KANSL1: variants seen among roughly 807,000 people sequenced by gnomAD.
KANSL1 encodes MLL1/MLL complex subunit KANSL1.
A neutral mutation model predicts 103.6 loss-of-function variants in KANSL1; 22 were observed. That is an observed-to-expected ratio of 0.21 (90% CI 0.15 to 0.30). The LOEUF (loss-of-function observed/expected upper bound fraction) is 0.30. Ranked by LOEUF, KANSL1 falls within the 10% of genes least tolerant of loss-of-function variation. The probability of loss-of-function intolerance (pLI) is 1.00; values close to 1 mark genes in which losing one functional copy is unlikely to be tolerated. For missense variants in KANSL1, 1,337 were observed against 1,399.8 expected (o/e 0.96, Z 0.72); for synonymous variants, 600 against 527.6 (o/e 1.14, Z -1.88).
At chr17:46,170,027 G>C (rs1329093349) in intron 2 of KANSL1, among the ~76,000 whole-genome samples, 1 of 152,196 alleles carries the variant, frequency 6.6e-6, no homozygotes, top group Non-Finnish European at 1.5e-5. Flanking sequence ...TGTAATCCCA[G>C]CTACTTAGGG....
At chr17:46,214,137 C>T (rs189069912) in intron 1 of KANSL1, among the ~76,000 whole-genome samples, 385 of 152,266 alleles carry the variant, frequency 2.5e-3, no homozygotes, top group Admixed American at 4.2e-3. Context: ...AACACTTTTG[C>T]CCTTTAGCAT....
intron 2 of KANSL1, among the ~76,000 whole-genome samples, chr17:46,126,270 G>A (rs2043552136): frequency 6.6e-6 from 1 of 152,004 alleles, no homozygotes; most frequent in Non-Finnish European, 1.5e-5. Context: ...GGTGAAATCT[G>A]GTCTCTACTA....
chr17:46,198,932 AATTT>A (rs2147970532), intron 1 of KANSL1, among the ~76,000 whole-genome samples: 1 of 152,370 alleles, frequency 6.6e-6, no homozygotes, highest in African/African-American at 2.4e-5. Flanking sequence ...TAAGCTCAAG[AATTT>A]ATTCTAGATA....
At chr17:46,148,784 C>T (rs2044884577) in intron 2 of KANSL1, among the ~76,000 whole-genome samples, 1 of 151,660 alleles carries the variant, frequency 6.6e-6, no homozygotes, top group African/African-American at 2.4e-5. Context: ...CAGGGTTTAA[C>T]CATGTTGGCC....
intron 2 of KANSL1, among the ~76,000 whole-genome samples, chr17:46,119,354 C>T (rs931490904): frequency 1.3e-5 from 2 of 150,138 alleles, no homozygotes; most frequent in East Asian, 3.9e-4. Context: ...GGGAGTCTCG[C>T]TCAGTTGCCC....
intron 2 of KANSL1, among the ~76,000 whole-genome samples, chr17:46,134,354 G>A (rs762077779): frequency 3.9e-5 from 6 of 151,952 alleles, no homozygotes; most frequent in East Asian, 1.9e-4. Flanking sequence ...CTGAGGTCGC[G>A]CCACTGCACT....
At chr17:46,134,049 A>G (rs2147295937) in intron 2 of KANSL1, among the ~76,000 whole-genome samples, 1 of 152,318 alleles carries the variant, frequency 6.6e-6, no homozygotes, top group East Asian at 1.9e-4. Flanking sequence ...TGGGGATGGA[A>G]GGGTACAGTG....
At chr17:46,140,857 T>C (rs186994841) in intron 2 of KANSL1, among the ~76,000 whole-genome samples, 3 of 152,294 alleles carry the variant, frequency 2.0e-5, no homozygotes, top group Admixed American at 6.5e-5. Context: ...ATGGCTATAA[T>C]TAAAAAGACA....
intron 2 of KANSL1, among the ~76,000 whole-genome samples, chr17:46,159,299 C>G (rs1322174108): frequency 6.6e-6 from 1 of 152,232 alleles, no homozygotes; most frequent in South Asian, 2.1e-4. Context: ...GTGAGGAACT[C>G]GAGCCTAGGT....
intron 3 of KANSL1, among the ~76,000 whole-genome samples, chr17:46,091,386 G>C (rs1265861146): frequency 6.6e-6 from 1 of 152,096 alleles, no homozygotes; most frequent in Non-Finnish European, 1.5e-5. Context: ...AAAGCAAAAA[G>C]TTATAGTAAG....
chr17:46,106,412 A>G (rs2042568936), intron 2 of KANSL1, among the ~76,000 whole-genome samples: 1 of 152,156 alleles, frequency 6.6e-6, no homozygotes, highest in Non-Finnish European at 1.5e-5. Context: ...TTTGTTTTTG[A>G]GATGGAGTCT....
At chr17:46,092,872 G>A (rs112596352) in intron 3 of KANSL1, 21,672 of 151,742 alleles carry the variant, frequency 0.14, 2,125 homozygotes, top group Non-Finnish European at 0.22. Context: ...GTTATGCCCT[G>A]GTTTAACTGA....
rs528827290 is a variant in KANSL1 at position 46,154,237 on chromosome 17, C to T, written c.1289+16618G>A. Among the ~76,000 whole-genome samples the T allele has an allele frequency of 5.0e-4, 76 of 152,314 alleles. 1 individual carries two copies. Among genetic ancestry groups the T allele is most frequent in the African/African-American group, 1.8e-3 (74 of 41,570 alleles). On this transcript the variant is annotated intron_variant, in intron 2 of 14. Coordinates refer to ENST00000432791, the MANE Select transcript of KANSL1 (RefSeq NM_015443.4). The stretch of plus-strand genomic sequence containing the variant: ...GGCATATCCACATGCTTAAATTATA[C>T]GTTACTGGCAATGAGGGAAGTGGGG...
chr17:46,136,175 T>G (rs1441744866), intron 2 of KANSL1, among the ~76,000 whole-genome samples: 3 of 152,092 alleles, frequency 2.0e-5, no homozygotes, highest in African/African-American at 7.2e-5. Flanking sequence ...GGTCATGTAT[T>G]TGGGAAAATA....
chr17:46,056,177 T>C (rs1484993887), intron 6 of KANSL1, among the ~76,000 whole-genome samples: 2 of 152,302 alleles, frequency 1.3e-5, no homozygotes, highest in African/African-American at 4.8e-5. Flanking sequence ...TCTGTATTTT[T>C]AGTAGAGACG....
intron 4 of KANSL1, among the ~76,000 whole-genome samples, chr17:46,070,311 GA>G (rs1016775580): frequency 2.6e-5 from 4 of 151,796 alleles, no homozygotes; most frequent in Non-Finnish European, 5.9e-5. Context: ...GATTTCAAGA[GA>G]AAAAAATAAT....
intron 2 of KANSL1, among the ~76,000 whole-genome samples, chr17:46,111,760 A>T (rs1293754960): frequency 6.6e-6 from 1 of 152,238 alleles, no homozygotes; most frequent in Non-Finnish European, 1.5e-5. Flanking sequence ...TTTGGGAAGA[A>T]AGGAGAGGGA....
chr17:46,084,255 G>A (rs1489524422), intron 3 of KANSL1, among the ~76,000 whole-genome samples: 1 of 151,986 alleles, frequency 6.6e-6, no homozygotes, highest in Non-Finnish European at 1.5e-5. Context: ...CGTGGCACAT[G>A]CCCATAGTCC....
At chr17:46,150,850 G>A (rs1465340199) in intron 2 of KANSL1, among the ~76,000 whole-genome samples, 1 of 149,518 alleles carries the variant, frequency 6.7e-6, no homozygotes, top group Non-Finnish European at 1.5e-5. Flanking sequence ...AACGACTACA[G>A]TAAATTATTA....
Sources: gnomAD v4.1 joint callset for allele counts (sites outside exome capture counted in the v4.1 genomes callset) on GRCh38, gnomAD v4.1.1 for gene constraint, MANE v1.5 for transcripts, NCBI Gene and HGNC (gene_info 2026-07-23, HGNC 2026-07-21) for gene names.